Variants in PRR5 observed in about 807,000 individuals in gnomAD.
PRR5 encodes the protein proline rich 5.
Under a neutral mutation model 30.6 loss-of-function variants are expected in PRR5, and 25 were observed. The ratio of observed to expected loss-of-function variants is 0.82; its 90% CI spans 0.60 to 1.14. The LOEUF (loss-of-function observed/expected upper bound fraction) is 1.14. Among genes scored for constraint, PRR5 ranks in the 50% most tolerant of loss-of-function variants. The pLI, the probability that PRR5 is intolerant of heterozygous loss-of-function variation, is 0.00. For synonymous variants in PRR5, 286 were observed against 247.1 expected, an observed-to-expected ratio of 1.16 and a Z score of -1.48; for missense variants, 600 against 547.1, an observed-to-expected ratio of 1.10 and a Z score of -0.96.
chr22:44,691,780 A>T lies in PRR5; in HGVS notation c.-10-10712A>T, dbSNP rs1432129871. Among the ~76,000 whole-genome samples, 3 of 152,144 alleles carry T rather than the reference A, an allele frequency of 2.0e-5. No homozygotes were observed. The East Asian group carries it at 5.8e-4, about 29-fold the overall frequency. ...CGGGAGCAAGACTCCATCTCAAAAA[A>T]AAAAAGACACTGAAATCCACCAAGT... On this transcript the variant is annotated intron_variant, in intron 1 of 8. Transcript: ENST00000006251. The surrounding 1 kb of genome is among the most constrained non-coding windows in gnomAD (Gnocchi z 4.4).
chr22:44,701,176 C>T (rs1318785115), upstream of PRR5, among the ~76,000 whole-genome samples: 3 of 152,256 alleles, frequency 2.0e-5, no homozygotes, highest in Non-Finnish European at 2.9e-5. Flanking sequence ...GCCATCACCT[C>T]TCTCTTACAT....
At chr22:44,706,724 C>T (rs1569084595) in intron 1 of PRR5, among the ~76,000 whole-genome samples, 1 of 151,854 alleles carries the variant, frequency 6.6e-6, no homozygotes, top group South Asian at 2.1e-4. Flanking sequence ...GATAGGGTTT[C>T]GCCATGTTGC....
chr22:44,674,318 AT>A (rs1262570949), upstream of PRR5, among the ~76,000 whole-genome samples: 1 of 151,426 alleles, frequency 6.6e-6, no homozygotes, highest in Non-Finnish European at 1.5e-5. Flanking sequence ...GTTTATTTTT[AT>A]TTTTTATTTT....
intron 1 of PRR5, 29 bp from the exon 2 acceptor site, chr22:44,714,562 C>CTGCA (rs754013096): frequency 1.2e-6 from 2 of 1,610,864 alleles, no homozygotes; most frequent in Non-Finnish European, 8.5e-7. Flanking sequence ...GACCTCAGGA[C>CTGCA]TGCAGTGTTT....
intron 1 of PRR5, among the ~76,000 whole-genome samples, chr22:44,688,270 G>C (rs912991471): frequency 2.0e-5 from 3 of 151,954 alleles, no homozygotes; most frequent in Non-Finnish European, 4.4e-5. Context: ...TGTAGTCCCA[G>C]GTACTGGGGA....
intron 4 of PRR5, chr22:44,730,170 G>A (rs970812014): frequency 1.0e-6 from 1 of 985,352 alleles, no homozygotes; most frequent in African/African-American, 1.7e-5. Context: ...CGGGAGTGGG[G>A]GCAGGGCCCA....
chr22:44,730,812 T>A, intron 4 of PRR5: 4 of 471,202 alleles, frequency 8.5e-6, no homozygotes, highest in Non-Finnish European at 1.4e-5. Flanking sequence ...TGGCCCTGGG[T>A]CCTCTGGGCC....
intron 2 of PRR5, among the ~76,000 whole-genome samples, chr22:44,719,007 G>A (rs1929527526): frequency 1.3e-5 from 2 of 151,552 alleles, no homozygotes; most frequent in Non-Finnish European, 2.9e-5. Flanking sequence ...ATAATGTCCA[G>A]TTGTCTAGCT....
chr22:44,735,139 C>T lies in PRR5; in HGVS notation c.668C>T (p.Pro223Leu). The part of the protein sequence containing the change: ...GTYGLHSSEG[P>L]FTHSCILEKR... ...TACGGCCTCCACTCCAGCGAGGGGCCCTTCACCCATTCCTGCATCCTGGGT... is the reference window on the plus strand; with the variant it reads ...TACGGCCTCCACTCCAGCGAGGGGCTCTTCACCCATTCCTGCATCCTGGGT... Residue 223 changes from proline (P) to leucine (L), a missense_variant, in exon 7 of 8, where the codon CCC becomes CTC. Coordinates refer to ENST00000336985, the MANE Select transcript of PRR5 (RefSeq NM_181333.4). 6.2e-7 allele frequency: 1 copy of T among 1,613,072 alleles called. No homozygotes were observed. Among genetic ancestry groups the T allele is most frequent in the South Asian group, 1.1e-5 (1 of 91,044 alleles).
chr22:44,696,775 C>T (rs1026628203), intron 1 of PRR5, among the ~76,000 whole-genome samples: 7 of 141,642 alleles, frequency 4.9e-5, no homozygotes, highest in Non-Finnish European at 7.6e-5. Flanking sequence ...CCTGCTCTGT[C>T]GCCCAGGCTA....
chr22:44,694,729 T>G (rs1354453708), intron 1 of PRR5, among the ~76,000 whole-genome samples: 2 of 152,158 alleles, frequency 1.3e-5, no homozygotes, highest in Non-Finnish European at 1.5e-5. Context: ...GCTGCCTGCC[T>G]TGGAGTGCTA....
intron 4 of PRR5, among the ~76,000 whole-genome samples, chr22:44,727,495 A>C (rs1194418741): frequency 6.6e-6 from 1 of 152,158 alleles, no homozygotes; most frequent in East Asian, 1.9e-4. Flanking sequence ...TTTCACATCT[A>C]CTAACTCATT....
chr22:44,694,353 C>T (rs996439081), intron 1 of PRR5, among the ~76,000 whole-genome samples: 18 of 152,206 alleles, frequency 1.2e-4, no homozygotes, highest in African/African-American at 4.3e-4. Context: ...GCCTGGCCAA[C>T]ATGGTGAAAC....
Position 44,721,089 on chromosome 22 carries a change from G to A in PRR5, c.216-4155G>A, listed in dbSNP as rs184755849. Among the ~76,000 whole-genome samples the A allele has an allele frequency of 2.4e-3, 369 of 152,342 alleles. 1 individual carries two copies. The highest frequency in any genetic ancestry group is 0.014 in the Middle Eastern group (4 of 294). On this transcript the variant is annotated intron_variant, in intron 2 of 7. Coordinates refer to ENST00000336985, the MANE Select transcript of PRR5 (RefSeq NM_181333.4). ...TGAGCTACAGCTGCTCCTGATCCCA[G>A]TTGACCCCCGGGACCCTCTGTTACC...
intron 2 of PRR5, among the ~76,000 whole-genome samples, chr22:44,719,120 G>A (rs9614888): frequency 0.026 from 3,857 of 148,594 alleles, 74 homozygotes; most frequent in Non-Finnish European, 0.036. Flanking sequence ...ACTAGGTCTC[G>A]ACTTGCTGAA....
chr22:44,709,498 C>A (rs1012309268), intron 1 of PRR5, among the ~76,000 whole-genome samples: 3 of 152,202 alleles, frequency 2.0e-5, no homozygotes, highest in Non-Finnish European at 4.4e-5. Context: ...TTTCTCCCCC[C>A]GCCCGAGCCT....
At chr22:44,699,349 G>A (rs1409554586), upstream of PRR5, among the ~76,000 whole-genome samples, 1 of 152,208 alleles carries the variant, frequency 6.6e-6, no homozygotes, top group African/African-American at 2.4e-5. Context: ...GGACCAGGCT[G>A]TGCTGAGCCC....
intron 1 of PRR5, among the ~76,000 whole-genome samples, chr22:44,695,430 T>A (rs1374211034): frequency 1.3e-5 from 2 of 152,194 alleles, no homozygotes; most frequent in Non-Finnish European, 2.9e-5. Flanking sequence ...TGAGCAGATG[T>A]CCTCACAGAG....
rs949650062 is a variant in PRR5, at chr22:44,729,718, C to T, written c.323-2012C>T. On this transcript the variant is annotated intron_variant, in intron 4 of 7. Coordinates refer to ENST00000336985, the MANE Select transcript of PRR5 (RefSeq NM_181333.4). ...GAGCCCCAACAGCCGCGAGGCTGCC[C>T]TTCCTGGCCTCTCGTCACCGTGTGG... is the stretch of plus-strand genomic sequence containing the variant. 5 of 985,374 alleles carry T rather than the reference C, an allele frequency of 5.1e-6. No homozygotes were observed. The African/African-American group carries it at 7.0e-5, about 14-fold the overall frequency. The allele number at this position is 985,374 out of a possible 1,614,324, so 61.0% of individuals were successfully genotyped here.
Sources: gnomAD v4.1 joint callset for allele counts (sites outside exome capture counted in the v4.1 genomes callset) on GRCh38, gnomAD v4.1.1 for gene constraint, Gnocchi (gnomAD v3.1) non-coding constraint, MANE v1.5 for transcripts, NCBI Gene and HGNC (gene_info 2026-07-23, HGNC 2026-07-21) for gene names.